Variants in IFNA14 observed in about 807,000 individuals in gnomAD.
IFNA14 encodes interferon alpha 14.
For synonymous variants in IFNA14, 113 were observed against 76.8 expected, an observed-to-expected ratio of 1.47 and a Z score of -2.46; for missense variants, 337 against 214.9, an observed-to-expected ratio of 1.57 and a Z score of -3.55.
rs758029322 is a variant in IFNA14, at chr9:21,239,900, C to A, written c.36G>T (p.Val12=). ...AGCAGCTTGACTTGCAGCTGAGCAC[C>A]ACCAGGGCCATCATTAAAGCAAAGG... The part of the protein sequence containing the change: ...ALPFALMMAL[V]VLSCKSSCSL... The change falls in exon 1 of 1, where the codon GTG becomes GTT. Residue 12 remains valine (V), a synonymous_variant. Transcript: ENST00000380222. The A allele has an allele frequency of 6.2e-5, 100 of 1,613,970 alleles. No individual in the cohort carries two copies. Among genetic ancestry groups the A allele is most frequent in the Non-Finnish European group, 8.3e-5 (98 of 1,180,000 alleles).
Position 21,239,416 on chromosome 9 carries a change from A to G in IFNA14, c.520T>C (p.Ser174Pro). The stretch of plus-strand genomic sequence containing the variant: ...TGCAAGTTTGTTGAAAAAGAGAGGG[A>G]TCTCATGATTTCTGCTCTGACAACC... ...WEVVRAEIMRSLSFSTNLQKR... is the reference protein window; with the variant it reads ...WEVVRAEIMRPLSFSTNLQKR... Residue 174 changes from serine (S) to proline (P), a missense_variant, in exon 1 of 1, where the codon TCC becomes CCC. By Grantham distance (74) the Ser-to-Pro change is moderately conservative. Coordinates refer to ENST00000380222, the MANE Select transcript of IFNA14 (RefSeq NM_002172.3). 6.2e-7 allele frequency: 1 copy of G among 1,614,056 alleles called. No homozygotes were observed. Among genetic ancestry groups the G allele is most frequent in the Non-Finnish European group, 8.5e-7 (1 of 1,180,002 alleles).
In IFNA14 at chr9:21,239,316, G is replaced by T. The variant is rs796157703; in HGVS notation, c.*50C>A. ...TTGAAATGGAAGAACTCATGAAAGT[G>T]TGAGATGATGTATTAGTCAATGAGA... On this transcript the variant is annotated 3_prime_UTR_variant, in exon 1 of 1. Transcript: ENST00000380222. 1.2e-6 allele frequency: 2 copies of T among 1,606,784 alleles called. No individual in the cohort carries two copies. Among genetic ancestry groups the T allele is most frequent in the East Asian group, 2.2e-5 (1 of 44,838 alleles).
rs145296864 is a variant in IFNA14 at position 21,239,730 on chromosome 9, T to C, written c.206A>G (p.Asn69Ser). The part of the protein sequence containing the change: ...FEFPQEEFDG[N>S]QFQKAQAISV... ...GATGGCTTGAGCTTTCTGGAACTGG[T>C]TGCCATCAAATTCCTCCTGGGGAAA... Residue 69 changes from asparagine (N) to serine (S), a missense_variant, in exon 1 of 1, where the codon AAC (asparagine) becomes AGC (serine). Transcript: ENST00000380222. 6.8e-6 allele frequency: 11 copies of C among 1,614,052 alleles called. No homozygotes were observed. The highest frequency in any genetic ancestry group is 9.3e-6 in the Non-Finnish European group (11 of 1,180,032).
rs1274947687 is a variant in IFNA14, at chr9:21,239,225, T to C, written c.*141A>G. 2.8e-6 allele frequency: 4 copies of C among 1,441,408 alleles called. No individual in the cohort carries two copies. The highest frequency in any genetic ancestry group is 3.8e-6 in the Non-Finnish European group (4 of 1,066,428). The allele number at this position is 1,441,408 out of a possible 1,614,324, so 89.3% of individuals were successfully genotyped here. On this transcript the variant is annotated 3_prime_UTR_variant, in exon 1 of 1. Coordinates refer to ENST00000380222, the MANE Select transcript of IFNA14 (RefSeq NM_002172.3). ...CCTGCACAGGTATACATGATGCTTC[T>C]TTACACTCCTGAAAACATTTGAAAA...
At chr9:21,239,514 AG>A in the IFNA14 span, 1 of 1,614,186 alleles carries the variant, frequency 6.2e-7, no homozygotes, top group East Asian at 2.2e-5. Context: ...CTTCACAGCC[AG>A]GATGGAGTCC....
In IFNA14 at chr9:21,239,708, G is replaced by A. The variant is rs369750737; in HGVS notation, c.228C>T (p.Ala76=). ...FDGNQFQKAQ[A]ISVLHEMMQQ... Reference sequence around the variant, plus strand: ...GCATCATCTCATGGAGGACAGAGATGGCTTGAGCTTTCTGGAACTGGTTGC... The same window carrying A: ...GCATCATCTCATGGAGGACAGAGATAGCTTGAGCTTTCTGGAACTGGTTGC... Residue 76 remains alanine (A), a synonymous_variant, in exon 1 of 1, where the codon GCC becomes GCT. Coordinates refer to ENST00000380222, the MANE Select transcript of IFNA14 (RefSeq NM_002172.3). The A allele has an allele frequency of 1.4e-5, 23 of 1,614,004 alleles. No individual in the cohort carries two copies. Among genetic ancestry groups the A allele is most frequent in the Non-Finnish European group, 1.8e-5 (21 of 1,180,026 alleles).
chr9:21,239,987 C>G lies in IFNA14; in HGVS notation c.-52G>C, dbSNP rs766877719. ...TGGTTGATGAGGGGTAACACTGAAC[C>G]TTGGGTTGTAGGTTTTCTGAAGACC... is the stretch of plus-strand genomic sequence containing the variant. On this transcript the variant is annotated 5_prime_UTR_variant, in exon 1 of 1. Coordinates refer to ENST00000380222, the MANE Select transcript of IFNA14 (RefSeq NM_002172.3). 2 of 1,508,108 alleles carry G rather than the reference C, an allele frequency of 1.3e-6. No individual in the cohort carries two copies. The highest frequency in any genetic ancestry group is 1.8e-6 in the Non-Finnish European group (2 of 1,088,330). 93.4% of individuals were successfully genotyped at this position (1,508,108 alleles called of 1,614,324 possible).
Position 21,239,253 on chromosome 9 carries a change from T to C in IFNA14, c.*113A>G. 6.4e-7 allele frequency: 1 copy of C among 1,553,992 alleles called. No homozygotes were observed. The highest frequency in any genetic ancestry group is 8.7e-7 in the Non-Finnish European group (1 of 1,153,770). On this transcript the variant is annotated 3_prime_UTR_variant, in exon 1 of 1. Coordinates refer to ENST00000380222, the MANE Select transcript of IFNA14 (RefSeq NM_002172.3). ...ACACTCCTGAAAACATTTGAAAATT[T>C]TGATTCAACTTGTGGTGGTTATAGG...
Position 21,239,632 on chromosome 9 carries a change from C to G in IFNA14, c.304G>C (p.Glu102Gln). Residue 102 changes from glutamate (E) to glutamine (Q), a missense_variant, in exon 1 of 1, where the codon GAG becomes CAG. Physicochemically the swap from Glu to Gln is conservative, Grantham distance 29 (BLOSUM62 2). Transcript: ENST00000380222. ...ATGTAGAATTTTTCTAGGAGGGTCT[C>G]ATCCCAAGCAGCAGATGAGTTCTTT... ...STKNSSAAWD[E>Q]TLLEKFYIEL... 1 of 1,613,936 alleles carries G rather than the reference C, an allele frequency of 6.2e-7. No homozygotes were observed. Among genetic ancestry groups the G allele is most frequent in the Non-Finnish European group, 8.5e-7 (1 of 1,179,926 alleles).
At position 21,239,850 on chromosome 9, in the gene IFNA14, G is replaced by A. The variant is rs774420579; in HGVS notation, c.86C>T (p.Thr29Ile). Reference sequence around the variant, plus strand: ...AGTCCTCCTGTTATTCAGGCTGTGGGTTTGAGACAGATTACAGCCCAGAGA... The same window carrying A: ...AGTCCTCCTGTTATTCAGGCTGTGGATTTGAGACAGATTACAGCCCAGAGA... The part of the protein sequence containing the change: ...SCSLGCNLSQ[T>I]HSLNNRRTLM... Residue 29 changes from threonine (T) to isoleucine (I), a missense_variant, in exon 1 of 1, where the codon ACC (threonine) becomes ATC (isoleucine). Transcript: ENST00000380222. 1.2e-5 allele frequency: 20 copies of A among 1,614,076 alleles called. 1 individual carries two copies. The highest frequency in any genetic ancestry group is 3.3e-4 in the Middle Eastern group (2 of 6,062).
Position 21,239,267 on chromosome 9 carries a change from G to A in IFNA14, c.*99C>T, listed in dbSNP as rs1274792882. 8.9e-6 allele frequency: 14 copies of A among 1,571,282 alleles called. No individual in the cohort carries two copies. The highest frequency in any genetic ancestry group is 1.2e-5 in the Non-Finnish European group (14 of 1,164,032). ...ATTTGAAAATTTTGATTCAACTTGT[G>A]GTGGTTATAGGAGAAGTGAGTCTTT... On this transcript the variant is annotated 3_prime_UTR_variant, in exon 1 of 1. Transcript: ENST00000380222.
the IFNA14 span, chr9:21,239,494 G>A: frequency 6.2e-7 from 1 of 1,614,090 alleles, no homozygotes; most frequent in Non-Finnish European, 8.5e-7. Flanking sequence ...GTGATTCTTT[G>A]GAAGTATTTC....
chr9:21,239,704 A>T lies in IFNA14; in HGVS notation c.232T>A (p.Ser78Thr). 6.2e-7 allele frequency: 1 copy of T among 1,614,112 alleles called. No homozygotes were observed. The highest frequency in any genetic ancestry group is 1.1e-5 in the South Asian group (1 of 91,086). ...TGCTGCATCATCTCATGGAGGACAG[A>T]GATGGCTTGAGCTTTCTGGAACTGG... ...GNQFQKAQAI[S>T]VLHEMMQQTF... Residue 78 changes from serine (S) to threonine (T), a missense_variant, in exon 1 of 1, where the codon TCT becomes ACT. Transcript: ENST00000380222.
In IFNA14 at chr9:21,239,770, T is replaced by C; in HGVS notation, c.166A>G (p.Arg56Gly). ...TCCTGGGGAAATTCAAAGTCATGTC[T>C]GTCCTTCAGGCAGGAGAAAGGAGAG... ...RISPFSCLKD[R>G]HDFEFPQEEF... Residue 56 changes from arginine to glycine, a missense_variant, in exon 1 of 1, where the codon AGA becomes GGA. Coordinates refer to ENST00000380222, the MANE Select transcript of IFNA14 (RefSeq NM_002172.3). The C allele has an allele frequency of 1.9e-6, 3 of 1,614,184 alleles. No homozygotes were observed. Among genetic ancestry groups the C allele is most frequent in the African/African-American group, 1.3e-5 (1 of 75,058 alleles).
chr9:21,239,446 AG>A, the IFNA14 span: 22 of 1,614,116 alleles, frequency 1.4e-5, no homozygotes, highest in East Asian at 4.0e-4. Context: ...ACAACCTCCC[AG>A]GCACAAGGGC....
rs1296990019 is a variant in IFNA14 at position 21,239,360 on chromosome 9, C to G, written c.*6G>C. On this transcript the variant is annotated 3_prime_UTR_variant, in exon 1 of 1. Transcript: ENST00000380222. ...AATGAGAATCATTTCCATGATGAAC[C>G]AGTTTTCAATCCTTCCTCCTTAATC... 4 of 1,613,272 alleles carry G rather than the reference C, an allele frequency of 2.5e-6. No homozygotes were observed. The highest frequency in any genetic ancestry group is 2.7e-5 in the African/African-American group (2 of 74,812).
rs138970647 is a variant in IFNA14 at position 21,239,613 on chromosome 9, A to G, written c.323T>C (p.Phe108Ser). 1,076 of 1,613,812 alleles carry G rather than the reference A, an allele frequency of 6.7e-4. 3 individuals carry two copies. The highest frequency in any genetic ancestry group is 8.5e-4 in the Non-Finnish European group (1,003 of 1,179,898). ...AAWDETLLEK[F>S]YIELFQQMND... is the part of the protein sequence containing the mutation. ...CATTTGCTGGAAAAGTTCAATGTAG[A>G]ATTTTTCTAGGAGGGTCTCATCCCA... Residue 108 changes from phenylalanine (F) to serine (S), a missense_variant, in exon 1 of 1, where the codon TTC becomes TCC. Transcript: ENST00000380222.
Position 21,239,283 on chromosome 9 carries a change from G to T in IFNA14, c.*83C>A. ...TCAACTTGTGGTGGTTATAGGAGAA[G>T]TGAGTCTTTGAAATGGAAGAACTCA... On this transcript the variant is annotated 3_prime_UTR_variant, in exon 1 of 1. Transcript: ENST00000380222. The T allele has an allele frequency of 6.3e-7, 1 of 1,589,712 alleles. No individual in the cohort carries two copies. Among genetic ancestry groups the T allele is most frequent in the South Asian group, 1.2e-5 (1 of 86,796 alleles).
chr9:21,239,123 A>C lies in IFNA14; in HGVS notation c.*243T>G, dbSNP rs1443257684. The C allele has an allele frequency of 4.4e-6, 1 of 228,606 alleles. No individual in the cohort carries two copies. The highest frequency in any genetic ancestry group is 8.2e-6 in the Non-Finnish European group (1 of 122,508). 14.2% of individuals were successfully genotyped at this position (228,606 alleles called of 1,614,324 possible). A position where few individuals can be genotyped will look rare whatever the true frequency, so the allele number is the denominator to read the frequency against. Reference sequence around the variant, plus strand: ...TACATAAAAAATAATTTAAATAATAAAAATAGTTAAATAAATAAATATTTA... The same window carrying C: ...TACATAAAAAATAATTTAAATAATACAAATAGTTAAATAAATAAATATTTA... On this transcript the variant is annotated 3_prime_UTR_variant, in exon 1 of 1. Coordinates refer to ENST00000380222, the MANE Select transcript of IFNA14 (RefSeq NM_002172.3).
Sources: gnomAD v4.1 joint callset for allele counts on GRCh38, gnomAD v4.1.1 for gene constraint, MANE v1.5 for transcripts, NCBI Gene and HGNC (gene_info 2026-07-23, HGNC 2026-07-21) for gene names.